HEMK2: variants seen among roughly 807,000 people sequenced by gnomAD.
HEMK2 encodes HemK methyltransferase 2, ETF1 glutamine and histone H4 lysine.
At chr21:28,595,046 G>A in the HEMK2 span, among the ~76,000 whole-genome samples, 9 of 152,072 alleles carry the variant, frequency 5.9e-5, no homozygotes, top group Middle Eastern at 6.8e-3. Context: ...TTAAATTTTT[G>A]TGGGTACAGT....
At chr21:28,735,749 G>A in the HEMK2 span, among the ~76,000 whole-genome samples, 1 of 152,186 alleles carries the variant, frequency 6.6e-6, no homozygotes, top group East Asian at 1.9e-4. Flanking sequence ...ATGAGGTCAG[G>A]TCTACCCAGA....
At chr21:28,755,951 C>T in the HEMK2 span, among the ~76,000 whole-genome samples, 1 of 152,126 alleles carries the variant, frequency 6.6e-6, no homozygotes, top group African/African-American at 2.4e-5. Flanking sequence ...GTATATTGAA[C>T]CAAACATTAA....
the HEMK2 span, among the ~76,000 whole-genome samples, chr21:28,781,998 C>T: frequency 6.6e-6 from 1 of 152,162 alleles, no homozygotes; most frequent in African/African-American, 2.4e-5. Context: ...CTGAGCTGAT[C>T]CTTTACTATA....
chr21:28,687,677 T>C, the HEMK2 span, among the ~76,000 whole-genome samples: 5 of 152,290 alleles, frequency 3.3e-5, no homozygotes, highest in African/African-American at 1.2e-4. Flanking sequence ...AGAAGGTAGA[T>C]TGTAACTCAA....
chr21:28,627,959 T>C, the HEMK2 span, among the ~76,000 whole-genome samples: 7 of 152,298 alleles, frequency 4.6e-5, no homozygotes, highest in East Asian at 1.2e-3. Flanking sequence ...AAGTGTCCAA[T>C]GGGAAACCTC....
At chr21:28,658,816 T>G in the HEMK2 span, among the ~76,000 whole-genome samples, 1 of 152,154 alleles carries the variant, frequency 6.6e-6, no homozygotes, top group Non-Finnish European at 1.5e-5. Flanking sequence ...TGCTGAATCT[T>G]TAGATTCATT....
the HEMK2 span, among the ~76,000 whole-genome samples, chr21:28,834,484 G>A: frequency 6.6e-6 from 1 of 152,252 alleles, no homozygotes; most frequent in Non-Finnish European, 1.5e-5. Context: ...GGCAGAGGAA[G>A]TGGCAGAAAG....
chr21:28,586,140 G>A, the HEMK2 span, among the ~76,000 whole-genome samples: 34 of 152,104 alleles, frequency 2.2e-4, no homozygotes, highest in Non-Finnish European at 3.5e-4. Flanking sequence ...GCATCTTTGC[G>A]ATGTTTGAAT....
At chr21:28,615,622 C>T in the HEMK2 span, among the ~76,000 whole-genome samples, 1 of 151,092 alleles carries the variant, frequency 6.6e-6, no homozygotes, top group African/African-American at 2.4e-5. Flanking sequence ...ATTTTATTTC[C>T]CTTCTGGTTA....
At chr21:28,833,640 A>G in the HEMK2 span, among the ~76,000 whole-genome samples, 28 of 152,200 alleles carry the variant, frequency 1.8e-4, no homozygotes, top group Non-Finnish European at 4.0e-4. Context: ...TTTAACTTAA[A>G]AATGTTTTTC....
At chr21:28,586,322 T>G in the HEMK2 span, among the ~76,000 whole-genome samples, 1 of 152,218 alleles carries the variant, frequency 6.6e-6, no homozygotes, top group African/African-American at 2.4e-5. Flanking sequence ...ATCTGTCTTT[T>G]CAGGCTGCTA....
the HEMK2 span, among the ~76,000 whole-genome samples, chr21:28,619,394 TA>T: frequency 6.6e-6 from 1 of 152,218 alleles, no homozygotes; most frequent in Admixed American, 6.5e-5. Context: ...TAAGGTGACA[TA>T]AAGGCTTTGA....
At chr21:28,867,564 T>C in the HEMK2 span, among the ~76,000 whole-genome samples, 20 of 152,328 alleles carry the variant, frequency 1.3e-4, no homozygotes, top group East Asian at 3.9e-4. Context: ...AGTTTCACTG[T>C]TGGCAGAAAA....
At chr21:28,685,033 T>C in the HEMK2 span, among the ~76,000 whole-genome samples, 124 of 152,198 alleles carry the variant, frequency 8.1e-4, no homozygotes, top group Non-Finnish European at 1.4e-3. Flanking sequence ...GACTGGTGTT[T>C]TAAAGGGAGA....
the HEMK2 span, among the ~76,000 whole-genome samples, chr21:28,854,448 A>G: frequency 3.3e-3 from 2 of 608 alleles, no homozygotes; most frequent in Non-Finnish European, 5.2e-3. Context: ...CAAAATCTGT[A>G]TTAGTCAGGT....
chr21:28,734,036 T>C, the HEMK2 span, among the ~76,000 whole-genome samples: 1 of 152,236 alleles, frequency 6.6e-6, no homozygotes, highest in Non-Finnish European at 1.5e-5. Context: ...TAACATCGGA[T>C]GCCATTGCAG....
At chr21:28,779,332 G>A in the HEMK2 span, among the ~76,000 whole-genome samples, 1 of 152,164 alleles carries the variant, frequency 6.6e-6, no homozygotes, top group Non-Finnish European at 1.5e-5. Flanking sequence ...GATGAATGTG[G>A]AGGATATCAT....
chr21:28,754,517 C>A, the HEMK2 span, among the ~76,000 whole-genome samples: 1 of 152,142 alleles, frequency 6.6e-6, no homozygotes, highest in Non-Finnish European at 1.5e-5. Context: ...AGCATGTGGG[C>A]AAAATGCTAG....
chr21:28,579,905 C>T, the HEMK2 span, among the ~76,000 whole-genome samples: 3 of 152,146 alleles, frequency 2.0e-5, no homozygotes, highest in Admixed American at 6.5e-5. Flanking sequence ...TTCTCCTCAT[C>T]GTGTAAGCAG....
Sources: gnomAD v4.1 joint callset for allele counts (sites outside exome capture counted in the v4.1 genomes callset) on GRCh38, gnomAD v4.1.1 for gene constraint, MANE v1.5 for transcripts, NCBI Gene and HGNC (gene_info 2026-07-23, HGNC 2026-07-21) for gene names.